Variants in EEFSEC observed in about 807,000 individuals in gnomAD.
EEFSEC encodes the protein selenocysteine-specific elongation factor.
In EEFSEC, 43 loss-of-function variants were observed where a neutral mutation model predicts 42.1. The ratio of observed to expected loss-of-function variants is 1.02; its 90% CI spans 0.80 to 1.32. The LOEUF is 1.32. EEFSEC is among the 40% of genes most tolerant of loss of function. EEFSEC has a pLI of 0.00. For synonymous variants in EEFSEC, 354 were observed against 339.1 expected (o/e 1.04, Z -0.48); for missense variants, 745 against 803.6 (o/e 0.93, Z 0.88).
intron 4 of EEFSEC, among the ~76,000 whole-genome samples, chr3:128,271,429 T>A (rs1239083452): frequency 6.6e-6 from 1 of 152,212 alleles, no homozygotes; most frequent in African/African-American, 2.4e-5. Context: ...AGAAGATACA[T>A]AAAGGAAGGC....
At chr3:128,318,481 C>T (rs2811418) in intron 4 of EEFSEC, among the ~76,000 whole-genome samples, 1 of 152,192 alleles carries the variant, frequency 6.6e-6, no homozygotes, top group South Asian at 2.1e-4. Flanking sequence ...ACATGATGCT[C>T]TTCTCCCTGC....
intron 5 of EEFSEC, among the ~76,000 whole-genome samples, chr3:128,347,123 C>A (rs2067321394): frequency 6.6e-6 from 1 of 152,196 alleles, no homozygotes; most frequent in Non-Finnish European, 1.5e-5. Context: ...TTCTTGGGTG[C>A]CCACTGTCTC....
chr3:128,366,204 CT>C (rs773066984), intron 6 of EEFSEC, among the ~76,000 whole-genome samples: 1 of 152,194 alleles, frequency 6.6e-6, no homozygotes, highest in Non-Finnish European at 1.5e-5. Context: ...GCAAGTAACT[CT>C]AAGAATAGAA....
chr3:128,204,488 CCTCT>C (rs1263712702), intron 1 of EEFSEC, among the ~76,000 whole-genome samples: 1 of 152,014 alleles, frequency 6.6e-6, no homozygotes, highest in East Asian at 1.9e-4. Flanking sequence ...TAGGTATTTC[CCTCT>C]CTCTCCTTGT....
chr3:128,222,691 C>T (rs1028037989), intron 1 of EEFSEC, among the ~76,000 whole-genome samples: 2 of 152,174 alleles, frequency 1.3e-5, no homozygotes, highest in African/African-American at 4.8e-5. Flanking sequence ...CATTTGTTTG[C>T]ATTTCAGATT....
At chr3:128,386,480 T>TGGGGG (rs373890750) in intron 6 of EEFSEC, among the ~76,000 whole-genome samples, 32 of 148,336 alleles carry the variant, frequency 2.2e-4, no homozygotes, top group African/African-American at 3.2e-4. Context: ...AGACAGGCAG[T>TGGGGG]GGGGGGGGGA....
rs1211471529 is a variant in EEFSEC, at chr3:128,187,672, G to A, written c.316+33849G>A. Among the ~76,000 whole-genome samples the A allele has an allele frequency of 2.6e-5, 4 of 152,242 alleles. No individual in the cohort carries two copies. The East Asian group carries it at 7.7e-4, about 29-fold the overall frequency. ...TGCCCCTTGGGACTCACTGTTCAATGAGTTGGAGGGTAGGGGATAGACCAT... is the reference window on the plus strand; with the variant it reads ...TGCCCCTTGGGACTCACTGTTCAATAAGTTGGAGGGTAGGGGATAGACCAT... On this transcript the variant is annotated intron_variant, in intron 1 of 6. Coordinates refer to ENST00000254730, the MANE Select transcript of EEFSEC (RefSeq NM_021937.5).
At chr3:128,262,021 A>G in intron 2 of EEFSEC, 107 bp from the exon 3 acceptor site, 1 of 984,806 alleles carries the variant, frequency 1.0e-6, no homozygotes, top group South Asian at 1.4e-5. Context: ...GTGGGGAGAG[A>G]AGAGGATGCT....
chr3:128,279,679 G>A (rs1254201784), intron 4 of EEFSEC, among the ~76,000 whole-genome samples: 1 of 152,224 alleles, frequency 6.6e-6, no homozygotes, highest in Non-Finnish European at 1.5e-5. Context: ...GCCAGTAGGA[G>A]CCAGGGTCCA....
chr3:128,254,777 G>T (rs906943090), intron 2 of EEFSEC, among the ~76,000 whole-genome samples: 12 of 152,170 alleles, frequency 7.9e-5, no homozygotes, highest in African/African-American at 2.9e-4. Context: ...AGTCCTGAGA[G>T]TGGGGAGGGG....
At chr3:128,357,060 A>G (rs1032307670) in intron 5 of EEFSEC, among the ~76,000 whole-genome samples, 2 of 152,198 alleles carry the variant, frequency 1.3e-5, no homozygotes, top group Admixed American at 1.3e-4. Context: ...TGGTGTGTGC[A>G]TTGCTCATTT....
rs764269106 is a variant in EEFSEC at position 128,408,184 on chromosome 3, A to T, written c.1716A>T (p.Ser572=). The change falls in exon 7 of 7, where the codon TCA becomes TCT. Residue 572 remains serine (S), a synonymous_variant. Coordinates refer to ENST00000254730, the MANE Select transcript of EEFSEC (RefSeq NM_021937.5). ...AGAGCGCCGAGCGGAGCGAGCCCTC[A>T]CAGCATGTGGTGCTCAGCCTGACTT... is the stretch of plus-strand genomic sequence containing the variant. ...QEESAERSEP[S]QHVVLSLTFK... 6.2e-7 allele frequency: 1 copy of T among 1,612,826 alleles called. No individual in the cohort carries two copies. The highest frequency in any genetic ancestry group is 1.3e-5 in the African/African-American group (1 of 74,886).
chr3:128,392,357 C>T (rs1391955277), intron 6 of EEFSEC, among the ~76,000 whole-genome samples: 8 of 152,212 alleles, frequency 5.3e-5, no homozygotes, highest in Non-Finnish European at 1.2e-4. Flanking sequence ...TGTTCCTCAC[C>T]GGGGAGCAGG....
intron 1 of EEFSEC, among the ~76,000 whole-genome samples, chr3:128,216,649 C>T (rs1428483751): frequency 1.3e-5 from 2 of 152,276 alleles, no homozygotes; most frequent in Non-Finnish European, 2.9e-5. Flanking sequence ...ACACCCTTAG[C>T]CTCAGTGCCC....
At chr3:128,187,465 C>A (rs1389961607) in intron 1 of EEFSEC, among the ~76,000 whole-genome samples, 1 of 152,150 alleles carries the variant, frequency 6.6e-6, no homozygotes, top group Non-Finnish European at 1.5e-5. Context: ...GTTTACAATT[C>A]TTCAGCCAGT....
chr3:128,171,037 A>T (rs1348570264), intron 1 of EEFSEC, among the ~76,000 whole-genome samples: 1 of 152,088 alleles, frequency 6.6e-6, no homozygotes, highest in Non-Finnish European at 1.5e-5. Flanking sequence ...AGCCCTGGAG[A>T]CCCAGCTGTA....
chr3:128,251,876 A>G (rs988325698), intron 2 of EEFSEC, among the ~76,000 whole-genome samples: 6 of 152,208 alleles, frequency 3.9e-5, no homozygotes, highest in Non-Finnish European at 8.8e-5. Flanking sequence ...AGCATTTATC[A>G]ATGTTAACAG....
In EEFSEC at chr3:128,375,265, G is replaced by C. The variant is rs115435350; in HGVS notation, c.1600+16892G>C. ...GTGTAGGCTAAGTTTTGGTGGTGAG[G>C]ATTTGTGTCTGTCTGGGGATTGGTA... On this transcript the variant is annotated intron_variant, in intron 6 of 6. Transcript: ENST00000254730. Among the ~76,000 whole-genome samples the C allele has an allele frequency of 3.4e-3, 513 of 152,278 alleles. 1 individual carries two copies. Among genetic ancestry groups the C allele is most frequent in the African/African-American group, 0.011 (474 of 41,552 alleles).
intron 3 of EEFSEC, among the ~76,000 whole-genome samples, chr3:128,264,223 T>A (rs1385226510): frequency 6.6e-6 from 1 of 152,144 alleles, no homozygotes; most frequent in Admixed American, 6.5e-5. Context: ...TGAGGAGTTT[T>A]AAATTCTGAA....
Sources: allele counts gnomAD v4.1 joint callset (sites outside exome capture counted in the v4.1 genomes callset), GRCh38; gene constraint gnomAD v4.1.1; transcripts MANE v1.5; gene names NCBI Gene and HGNC (gene_info 2026-07-23, HGNC 2026-07-21).